GABRA3: variants seen among roughly 807,000 people sequenced by gnomAD.
GABRA3 encodes gamma-aminobutyric acid receptor subunit alpha-3.
In GABRA3, 10 loss-of-function variants were observed where a neutral mutation model predicts 30.1. The observed-to-expected ratio is 0.33, with a 90% CI of 0.20 to 0.56. The LOEUF is 0.56. Ranked by LOEUF, GABRA3 falls within the 20% of genes least tolerant of loss-of-function variation. The pLI is 0.89. For synonymous variants in GABRA3, 151 were observed against 146.8 expected (o/e 1.03, Z -0.21); for missense variants, 233 against 392.0 (o/e 0.59, Z 3.42).
chrX:152,295,845 C>G (rs1157962591), intron 3 of GABRA3, among the ~76,000 whole-genome samples: 1 of 112,325 alleles, frequency 8.9e-6, no homozygotes, highest in Non-Finnish European at 1.9e-5. Context: ...AAAATGTCTC[C>G]CTTCTTTTGA....
At position 152,255,978 on chromosome X, in the gene GABRA3, A is replaced by G. The variant is rs1261686111; in HGVS notation, c.351T>C (p.Phe117=). The change falls in exon 5 of 10, where the codon TTT becomes TTC. Residue 117 remains phenylalanine (F), a synonymous_variant. Coordinates refer to ENST00000370314, the MANE Select transcript of GABRA3 (RefSeq NM_000808.4). ...TTTCATCATGCCATGTCTGCCGAAA[A>G]AATACATCAATAGTGTACTCCTAGG... ...DTDMEYTIDV[F]FRQTWHDERL... is the part of the protein sequence containing the mutation. 5 of 1,201,078 alleles carry G rather than the reference A, an allele frequency of 4.2e-6. No homozygotes were observed. Among genetic ancestry groups the G allele is most frequent in the Non-Finnish European group, 5.6e-6 (5 of 889,134 alleles).
intron 1 of GABRA3, among the ~76,000 whole-genome samples, chrX:152,450,262 G>GCAGCCA (rs1251479588): frequency 4.5e-5 from 5 of 110,004 alleles, no homozygotes; most frequent in Non-Finnish European, 7.6e-5. Context: ...CATGCCACCC[G>GCAGCCA]CAGCCACAGC....
intron 9 of GABRA3, among the ~76,000 whole-genome samples, chrX:152,182,590 T>C (rs1225222288): frequency 1.3e-5 from 1 of 76,144 alleles, no homozygotes; most frequent in Non-Finnish European, 2.4e-5. Flanking sequence ...ATAGTGTATA[T>C]ACACACTATA....
At chrX:152,179,231 G>A (rs1937112878) in intron 9 of GABRA3, among the ~76,000 whole-genome samples, 1 of 111,591 alleles carries the variant, frequency 9.0e-6, no homozygotes, top group African/African-American at 3.3e-5. Context: ...TGAAATAGGT[G>A]TACATTATGG....
At chrX:152,330,629 C>A (rs1174760170) in intron 3 of GABRA3, among the ~76,000 whole-genome samples, 1 of 105,568 alleles carries the variant, frequency 9.5e-6, no homozygotes. Flanking sequence ...TGTTCTCACT[C>A]ATAGGTGGGA....
rs191689135 is a variant in GABRA3, at chrX:152,379,312, G to A, written c.-26-14716C>T. 2.6e-4 allele frequency among the ~76,000 whole-genome samples: 29 copies of A among 111,546 alleles called. No homozygotes were observed. The Admixed American group carries it at 2.7e-3, about 10-fold the overall frequency. ...TAGAAATTAGTAATTAGGTGATAATGATAACATTGATAAGTGGTTGAAAAT... is the reference window on the plus strand; with the variant it reads ...TAGAAATTAGTAATTAGGTGATAATAATAACATTGATAAGTGGTTGAAAAT... On this transcript the variant is annotated intron_variant, in intron 1 of 9. Coordinates refer to ENST00000370314, the MANE Select transcript of GABRA3 (RefSeq NM_000808.4).
intron 9 of GABRA3, among the ~76,000 whole-genome samples, chrX:152,188,380 A>C (rs1356874426): frequency 9.0e-6 from 1 of 111,372 alleles, no homozygotes; most frequent in Non-Finnish European, 1.9e-5. Context: ...TAAGTGTTAT[A>C]AAATGTAATA....
rs191626742 is a variant in GABRA3, at chrX:152,274,425, T to C, written c.330+10243A>G. 6.8e-3 allele frequency among the ~76,000 whole-genome samples: 743 copies of C among 110,054 alleles called. 8 individuals are homozygous for C. The highest frequency in any genetic ancestry group is 0.023 in the African/African-American group (699 of 30,240). ...AAAAAAATGACCACGTGCTAAGACA[T>C]AGGACAAATCTCAAGAAACACAAAA... On this transcript the variant is annotated intron_variant, in intron 4 of 9. Coordinates refer to ENST00000370314, the MANE Select transcript of GABRA3 (RefSeq NM_000808.4).
chrX:152,336,129 G>C (rs1449280507), intron 3 of GABRA3, among the ~76,000 whole-genome samples: 1 of 110,986 alleles, frequency 9.0e-6, no homozygotes, highest in Non-Finnish European at 1.9e-5. Context: ...TATGTTAAAA[G>C]ATTTTTTCTA....
At chrX:152,275,344 A>G (rs1464553034) in intron 4 of GABRA3, among the ~76,000 whole-genome samples, 1 of 2,350 alleles carries the variant, frequency 4.3e-4, no homozygotes, top group Non-Finnish European at 8.5e-4. Context: ...AATATTATAT[A>G]TAATAAATAT....
At chrX:152,432,729 C>T (rs1387158154) in intron 1 of GABRA3, among the ~76,000 whole-genome samples, 1 of 111,108 alleles carries the variant, frequency 9.0e-6, no homozygotes, top group East Asian at 2.8e-4. Flanking sequence ...GCAAACAGTT[C>T]CAGAAACTGG....
At chrX:152,198,416 C>T (rs1463361780) in intron 7 of GABRA3, among the ~76,000 whole-genome samples, 3 of 112,692 alleles carry the variant, frequency 2.7e-5, no homozygotes, top group Non-Finnish European at 5.6e-5. Context: ...ACTTACTGCG[C>T]TTTTACTGTG....
At chrX:152,185,779 C>T (rs984595235) in intron 9 of GABRA3, among the ~76,000 whole-genome samples, 63 of 111,826 alleles carry the variant, frequency 5.6e-4, no homozygotes, top group African/African-American at 2.0e-3. Context: ...TAACTCAGAC[C>T]CAAATCAAAT....
intron 1 of GABRA3, among the ~76,000 whole-genome samples, chrX:152,432,418 T>TA (rs1199150116): frequency 4.5e-5 from 5 of 110,242 alleles, no homozygotes; most frequent in African/African-American, 9.9e-5. Flanking sequence ...AAGCAAACTT[T>TA]AAAAAAAAAT....
chrX:152,306,892 C>T (rs1939728035), intron 3 of GABRA3, among the ~76,000 whole-genome samples: 1 of 111,333 alleles, frequency 9.0e-6, no homozygotes, highest in Non-Finnish European at 1.9e-5. Flanking sequence ...AACATGCCTG[C>T]CCCAGCTTTG....
At chrX:152,432,001 CAG>C (rs2124545646) in intron 1 of GABRA3, among the ~76,000 whole-genome samples, 1 of 111,985 alleles carries the variant, frequency 8.9e-6, no homozygotes, top group South Asian at 3.7e-4. Flanking sequence ...TAATTTGTTA[CAG>C]CAGCAATGGT....
intron 4 of GABRA3, among the ~76,000 whole-genome samples, chrX:152,282,691 T>C (rs749924263): frequency 3.1e-4 from 35 of 111,818 alleles, no homozygotes; most frequent in African/African-American, 1.0e-3. Flanking sequence ...GACACACCCA[T>C]ACACGCCTGC....
At chrX:152,273,720 T>C (rs1161312349) in intron 4 of GABRA3, among the ~76,000 whole-genome samples, 3 of 111,589 alleles carry the variant, frequency 2.7e-5, no homozygotes, top group African/African-American at 6.5e-5. Context: ...CTCACTTACA[T>C]GTAGGAGCTA....
chrX:152,416,901 A>G (rs1403295226), intron 1 of GABRA3, among the ~76,000 whole-genome samples: 1 of 106,310 alleles, frequency 9.4e-6, no homozygotes, highest in Admixed American at 1.0e-4. Flanking sequence ...CTTAAACGTT[A>G]GACCTAAAAC....
Sources: gnomAD v4.1 joint callset for allele counts (sites outside exome capture counted in the v4.1 genomes callset) on GRCh38, gnomAD v4.1.1 for gene constraint, MANE v1.5 for transcripts, NCBI Gene and HGNC (gene_info 2026-07-23, HGNC 2026-07-21) for gene names.